The following FLI1 variants were observed in gnomAD, a reference collection of about 807,000 sequenced individuals.
FLI1 encodes Friend leukemia integration 1 transcription factor.
In FLI1, 13 loss-of-function variants were observed where a neutral mutation model predicts 53.1. That is an observed-to-expected ratio of 0.24 (90% CI 0.16 to 0.39). The LOEUF (loss-of-function observed/expected upper bound fraction) is 0.39, where lower values mean the gene tolerates loss of function less well. Among genes scored for constraint, FLI1 ranks in the 10% least tolerant of loss-of-function variants. The pLI is 1.00. For synonymous variants in FLI1, 244 were observed against 236.7 expected, an observed-to-expected ratio of 1.03 and a Z score of -0.28; for missense variants, 424 against 600.5, an observed-to-expected ratio of 0.71 and a Z score of 3.07.
At chr11:128,806,990 C>G (rs911151553) in intron 6 of FLI1, 190 bp from the exon 7 acceptor site, 2 of 396,744 alleles carry the variant, frequency 5.0e-6, no homozygotes, top group African/African-American at 4.1e-5. Flanking sequence ...TTGTTCATTC[C>G]TGAATCTCCA....
chr11:128,743,515 T>G (rs1591772211), intron 1 of FLI1, among the ~76,000 whole-genome samples: 1 of 151,852 alleles, frequency 6.6e-6, no homozygotes, highest in Non-Finnish European at 1.5e-5. Flanking sequence ...TTTGAGGCGG[T>G]TTGGGACATC....
chr11:128,760,520 CTTTTTTTT>C (rs1179242159), intron 2 of FLI1, among the ~76,000 whole-genome samples: 3 of 103,568 alleles, frequency 2.9e-5, no homozygotes, highest in Non-Finnish European at 5.9e-5. Flanking sequence ...GTGGAGATTC[CTTTTTTTT>C]TTTTTTTTTT....
chr11:128,758,432 A>G (rs1940982777), intron 2 of FLI1, 106 bp downstream of exon 2: 3 of 880,546 alleles, frequency 3.4e-6, no homozygotes, highest in South Asian at 1.6e-5. Context: ...GGGGCTCTAG[A>G]GCTGGGCCAG....
intron 1 of FLI1, among the ~76,000 whole-genome samples, chr11:128,727,298 T>C (rs1481212790): frequency 6.6e-6 from 1 of 152,250 alleles, no homozygotes; most frequent in Non-Finnish European, 1.5e-5. Context: ...AAGTCCTTAG[T>C]TCCATACCTG....
intron 2 of FLI1, among the ~76,000 whole-genome samples, chr11:128,767,507 C>A (rs1382272192): frequency 2.6e-5 from 4 of 152,172 alleles, no homozygotes; most frequent in African/African-American, 7.2e-5. Context: ...TGTGCCTATC[C>A]TGGGGGCTTA....
intron 1 of FLI1, among the ~76,000 whole-genome samples, chr11:128,750,563 G>C: frequency 6.6e-6 from 1 of 152,198 alleles, no homozygotes. Context: ...CGAGTGAAAT[G>C]GGGAGATACT....
chr11:128,757,098 T>TTCTTTCTTTCTA (rs1940918874), intron 1 of FLI1, among the ~76,000 whole-genome samples: 1 of 130,266 alleles, frequency 7.7e-6, no homozygotes, highest in Non-Finnish European at 1.6e-5. Context: ...CTTTCTTTCT[T>TTCTTTCTTTCTA]TCTTTCTTTC....
At chr11:128,727,628 A>C (rs1939536380) in intron 1 of FLI1, among the ~76,000 whole-genome samples, 1 of 152,220 alleles carries the variant, frequency 6.6e-6, no homozygotes. Flanking sequence ...TCTGATTGAG[A>C]AGGAGGTGCA....
intron 1 of FLI1, among the ~76,000 whole-genome samples, chr11:128,702,870 A>AAC (rs1461350053): frequency 6.6e-6 from 1 of 152,006 alleles, no homozygotes; most frequent in Non-Finnish European, 1.5e-5. Flanking sequence ...TCAAAGAAAA[A>AAC]AAAAAAAAAC....
intron 4 of FLI1, among the ~76,000 whole-genome samples, chr11:128,777,450 A>G (rs1386074534): frequency 1.3e-5 from 2 of 152,136 alleles, no homozygotes; most frequent in African/African-American, 4.8e-5. Context: ...CCCATTTTTA[A>G]TTTAAACTTT....
At chr11:128,731,939 G>A (rs375725040) in intron 1 of FLI1, among the ~76,000 whole-genome samples, 15 of 151,750 alleles carry the variant, frequency 9.9e-5, no homozygotes, top group African/African-American at 3.6e-4. Flanking sequence ...GGAGGCGGAG[G>A]TTGCAGTGAG....
At chr11:128,761,725 T>C (rs550804830) in intron 2 of FLI1, among the ~76,000 whole-genome samples, 23 of 152,182 alleles carry the variant, frequency 1.5e-4, no homozygotes, top group African/African-American at 4.3e-4. Context: ...CCCAAGGAAA[T>C]TGATTTTTCA....
rs1350937257 is a variant in FLI1 at position 128,810,837 on chromosome 11, C to G, written c.1208C>G (p.Pro403Arg). 1 of 1,614,054 alleles carries G rather than the reference C, an allele frequency of 6.2e-7. No individual in the cohort carries two copies. Among genetic ancestry groups the G allele is most frequent in the South Asian group, 1.1e-5 (1 of 91,090 alleles). Residue 403 changes from proline to arginine, a missense_variant, in exon 9 of 9, where the codon CCC becomes CGC. By Grantham distance (103) the Pro-to-Arg change is moderately radical. Around this residue, in one of 5 missense-constraint regions of FLI1, gnomAD observed 87 missense variants for 100.0 expected, o/e 0.87. Coordinates refer to ENST00000527786, the MANE Select transcript of FLI1 (RefSeq NM_002017.5). The surrounding 1 kb of genome is among the most constrained non-coding windows in gnomAD (Gnocchi z 6.6). ...AHQQKVNFVP[P>R]HPSSMPVTSS... ...CAGCAGAAGGTGAACTTTGTCCCTC[C>G]CCATCCATCCTCCATGCCTGTCACT...
At chr11:128,783,985 G>A (rs984100356) in intron 5 of FLI1, among the ~76,000 whole-genome samples, 19 of 152,016 alleles carry the variant, frequency 1.2e-4, no homozygotes, top group African/African-American at 4.6e-4. Flanking sequence ...AAGGCTATAA[G>A]GAAGGAAGGG....
chr11:128,770,816 A>G (rs889486616), intron 3 of FLI1, among the ~76,000 whole-genome samples: 4 of 152,230 alleles, frequency 2.6e-5, no homozygotes, highest in Non-Finnish European at 4.4e-5. Flanking sequence ...TCCATTTGCC[A>G]ATGATCCATG....
chr11:128,778,390 C>T (rs990627479), intron 4 of FLI1, among the ~76,000 whole-genome samples: 6 of 152,190 alleles, frequency 3.9e-5, no homozygotes, highest in African/African-American at 7.2e-5. Context: ...CAAAACTAAC[C>T]ACCACCCTGC....
intron 1 of FLI1, among the ~76,000 whole-genome samples, chr11:128,737,824 A>G (rs77619859): frequency 0.067 from 10,246 of 152,264 alleles, 1,142 homozygotes; most frequent in African/African-American, 0.23. Context: ...ACCTGCAGAC[A>G]AATGCTCGGA....
At chr11:128,789,348 G>A (rs1942194564) in intron 5 of FLI1, among the ~76,000 whole-genome samples, 2 of 152,124 alleles carry the variant, frequency 1.3e-5, no homozygotes, top group Non-Finnish European at 2.9e-5. Flanking sequence ...TGTGAGACAG[G>A]AAGCTCAGCG....
intron 1 of FLI1, chr11:128,748,097 C>G (rs888608978): frequency 5.3e-6 from 1 of 186,950 alleles, no homozygotes; most frequent in Non-Finnish European, 1.0e-5. Flanking sequence ...GGCCATGGCT[C>G]TGGATTCTGT....
Sources: gnomAD v4.1 joint callset for allele counts (sites outside exome capture counted in the v4.1 genomes callset) on GRCh38, gnomAD v4.1.1 for gene constraint, gnomAD v4.1.1 regional missense constraint, Gnocchi (gnomAD v3.1) non-coding constraint, MANE v1.5 for transcripts, NCBI Gene and HGNC (gene_info 2026-07-23, HGNC 2026-07-21) for gene names.